The following NAB1 variants were observed in gnomAD, a reference collection of about 807,000 sequenced individuals.
NAB1 encodes NGFI-A binding protein 1, also known as NGFI-A-binding protein 1.
Under a neutral mutation model 49.9 loss-of-function variants are expected in NAB1, and 25 were observed. The ratio of observed to expected loss-of-function variants is 0.50; its 90% confidence interval spans 0.37 to 0.70. The LOEUF (loss-of-function observed/expected upper bound fraction) is 0.70. NAB1 is among the 30% of genes least tolerant of loss of function. NAB1 has a pLI of 0.00. For missense variants in NAB1, 489 were observed against 575.9 expected (o/e 0.85, Z 1.54); for synonymous variants, 198 against 215.6 (o/e 0.92, Z 0.71).
Position 190,685,434 on chromosome 2 carries a change from G to A in NAB1, c.1096-42G>A. The A allele has an allele frequency of 2.0e-6, 3 of 1,534,364 alleles. No individual in the cohort carries two copies. Among genetic ancestry groups the A allele is most frequent in the Non-Finnish European group, 2.6e-6 (3 of 1,138,618 alleles). On this transcript the variant is annotated intron_variant, in intron 7 of 9. Coordinates refer to ENST00000337386, the MANE Select transcript of NAB1 (RefSeq NM_005966.4). This position sits in a 1 kb window ranked among gnomAD's most constrained non-coding sequence, Gnocchi z 4.5. ...CATCTTTAAACCATTAAAAAATCTAGAATGTTTCAGTTACTGATTTGATTT... is the reference window on the plus strand; with the variant it reads ...CATCTTTAAACCATTAAAAAATCTAAAATGTTTCAGTTACTGATTTGATTT...
rs1407150415 is a variant in NAB1, at chr2:190,682,374, C to A, written c.1006-1364C>A. 6.6e-6 allele frequency among the ~76,000 whole-genome samples: 1 copy of A among 152,102 alleles called. No individual in the cohort carries two copies. Among genetic ancestry groups the A allele is most frequent in the Non-Finnish European group, 1.5e-5 (1 of 68,038 alleles). ...AAGGTTAAGTTACTCATCCGGTGGT[C>A]ACATAGCTAGTGAGTGGTGACAGGC... is the stretch of plus-strand genomic sequence containing the variant. On this transcript the variant is annotated intron_variant, in intron 6 of 9. Transcript: ENST00000337386. The surrounding 1 kb of genome is among the most constrained non-coding windows in gnomAD (Gnocchi z 4.1).
rs1413799234 is a variant in NAB1 at position 190,687,337 on chromosome 2, T to C, written c.1375+20T>C. ...CATCAGGTGAGAACGTGCTATATGA[T>C]GAGAGGGTAACACTTGAATAAAAGC... On this transcript the variant is annotated intron_variant, in intron 9 of 9. Transcript: ENST00000337386. The C allele has an allele frequency of 1.8e-5, 23 of 1,280,526 alleles. No individual in the cohort carries two copies. Among genetic ancestry groups the C allele is most frequent in the Non-Finnish European group, 2.2e-5 (20 of 915,894 alleles). 79.3% of individuals were successfully genotyped at this position (1,280,526 alleles called of 1,614,324 possible). A position where few individuals can be genotyped will look rare whatever the true frequency, so the allele number is the denominator to read the frequency against.
intron 8 of NAB1, 66 bp from the exon 9 acceptor site, chr2:190,687,135 T>C: frequency 9.3e-7 from 1 of 1,073,472 alleles, no homozygotes; most frequent in Non-Finnish European, 1.3e-6. Flanking sequence ...TCAGGCAAAA[T>C]TTATTTTTAA....
At position 190,680,068 on chromosome 2, in the gene NAB1, C is replaced by T. The variant is rs950681955; in HGVS notation, c.1006-3670C>T. Reference sequence around the variant, plus strand: ...CTCAGTTGCCTTATTTCTGCGGCACCTGCCACTGTCCAGGGCTGGGCCTTC... The same window carrying T: ...CTCAGTTGCCTTATTTCTGCGGCACTTGCCACTGTCCAGGGCTGGGCCTTC... On this transcript the variant is annotated intron_variant, in intron 6 of 9. Transcript: ENST00000337386. The surrounding 1 kb of genome is among the most constrained non-coding windows in gnomAD (Gnocchi z 5.2). 1.2e-4 allele frequency among the ~76,000 whole-genome samples: 18 copies of T among 152,192 alleles called. No individual in the cohort carries two copies. Among genetic ancestry groups the T allele is most frequent in the African/African-American group, 3.9e-4 (16 of 41,450 alleles).
chr2:190,683,837 A>G lies in NAB1; in HGVS notation c.1095+10A>G. 1.3e-6 allele frequency: 2 copies of G among 1,597,744 alleles called. No individual in the cohort carries two copies. The highest frequency in any genetic ancestry group is 8.6e-7 in the Non-Finnish European group (1 of 1,166,588). The stretch of plus-strand genomic sequence containing the variant: ...AGCTCTTAGTTCACAGGTAACATAA[A>G]CTCCCAGTTATTACTCCATGATAGT... On this transcript the variant is annotated intron_variant, in intron 7 of 9. Coordinates refer to ENST00000337386, the MANE Select transcript of NAB1 (RefSeq NM_005966.4).
In NAB1 at chr2:190,654,352, G is replaced by A. The variant is rs192575550; in HGVS notation, c.-196-1625G>A. Reference sequence around the variant, plus strand: ...GTCTTTCCTCTGTTCCCCAGAACTGGCTTAGTTGTTGGTGTTATTTGAATA... The same window carrying A: ...GTCTTTCCTCTGTTCCCCAGAACTGACTTAGTTGTTGGTGTTATTTGAATA... On this transcript the variant is annotated intron_variant, in intron 2 of 9. Transcript: ENST00000337386. The surrounding 1 kb of genome is among the most constrained non-coding windows in gnomAD (Gnocchi z 5.6). Among the ~76,000 whole-genome samples the A allele has an allele frequency of 6.6e-5, 10 of 152,268 alleles. No individual in the cohort carries two copies. The East Asian group carries it at 1.9e-3, about 29-fold the overall frequency.
At chr2:190,683,192 C>T (rs1695434370) in intron 6 of NAB1, among the ~76,000 whole-genome samples, 1 of 151,882 alleles carries the variant, frequency 6.6e-6, no homozygotes, top group Non-Finnish European at 1.5e-5. Flanking sequence ...CTCACTGCAA[C>T]CTCCGCCTCC....
chr2:190,656,317 T>C (rs1449177567), intron 3 of NAB1, among the ~76,000 whole-genome samples, 164 bp downstream of exon 3: 3 of 152,254 alleles, frequency 2.0e-5, no homozygotes, highest in African/African-American at 7.2e-5. Flanking sequence ...TTATAGATTT[T>C]ATGAAAACAG....
chr2:190,656,127 C>T lies in NAB1; in HGVS notation c.-46C>T, dbSNP rs1406769337. 5 of 152,196 alleles carry T rather than the reference C, an allele frequency of 3.3e-5. No homozygotes were observed. The highest frequency in any genetic ancestry group is 2.6e-4 in the Admixed American group (4 of 15,282). 9.4% of individuals were successfully genotyped at this position (152,196 alleles called of 1,614,324 possible). A position where few individuals can be genotyped will look rare whatever the true frequency, so the allele number is the denominator to read the frequency against. ...ATTGAAAAGTCAGACTCCGAGTGGT[C>T]GTTCCAGGATATCTTGAAAAGCCCA... On this transcript the variant is annotated 5_prime_UTR_variant, in exon 3 of 10. Coordinates refer to ENST00000337386, the MANE Select transcript of NAB1 (RefSeq NM_005966.4).
intron 6 of NAB1, among the ~76,000 whole-genome samples, chr2:190,683,059 A>C (rs1695425638): frequency 6.6e-6 from 1 of 152,138 alleles, no homozygotes; most frequent in Non-Finnish European, 1.5e-5. Flanking sequence ...ATAGTGGCTA[A>C]TCAAACCCCC....
intron 2 of NAB1, among the ~76,000 whole-genome samples, chr2:190,655,533 CAAG>C (rs1026815072): frequency 1.3e-5 from 2 of 152,134 alleles, no homozygotes; most frequent in African/African-American, 4.8e-5. Context: ...AAGAGCATCT[CAAG>C]GAGTGATACC....
intron 8 of NAB1, 87 bp from the exon 9 acceptor site, chr2:190,687,114 C>A (rs1201573924): frequency 1.5e-6 from 1 of 656,764 alleles, no homozygotes; most frequent in Non-Finnish European, 2.4e-6. Flanking sequence ...CACTTTTTTC[C>A]TAAGGAGTGT....
intron 2 of NAB1, among the ~76,000 whole-genome samples, chr2:190,655,118 G>A (rs1693851765): frequency 6.6e-6 from 1 of 152,190 alleles, no homozygotes; most frequent in African/African-American, 2.4e-5. Context: ...AAATATTTAT[G>A]ACTACTTTTA....
At chr2:190,649,069 G>T (rs1693497940), upstream of NAB1, 1 of 145,542 alleles carries the variant, frequency 6.9e-6, no homozygotes, top group South Asian at 1.8e-4. The surrounding 1 kb of genome is among the most constrained non-coding windows in gnomAD (Gnocchi z 6.1). Context: ...CGCGGCGGGG[G>T]AGGCGCTGCC....
At position 190,685,272 on chromosome 2, in the gene NAB1, T is replaced by C. The variant is rs1695549316; in HGVS notation, c.1096-204T>C. ...AAGAATTGAGAAGAAAGCTTTTATC[T>C]TTTGTACAATATCCAGCCTTTTATG... On this transcript the variant is annotated intron_variant, in intron 7 of 9. Transcript: ENST00000337386. This position sits in a 1 kb window ranked among gnomAD's most constrained non-coding sequence, Gnocchi z 4.5. Among the ~76,000 whole-genome samples, 1 of 152,254 alleles carries C rather than the reference T, an allele frequency of 6.6e-6. No homozygotes were observed. The highest frequency in any genetic ancestry group is 1.5e-5 in the Non-Finnish European group (1 of 68,048).
intron 6 of NAB1, 86 bp from the exon 7 acceptor site, chr2:190,683,652 T>A (rs1326539289): frequency 8.2e-6 from 7 of 858,646 alleles, no homozygotes; most frequent in Non-Finnish European, 1.3e-5. Context: ...GTAGTGAGAT[T>A]AAGAGTTTGC....
chr2:190,687,768 A>G lies in NAB1; in HGVS notation c.1375+451A>G, dbSNP rs565437395. Among the ~76,000 whole-genome samples the G allele has an allele frequency of 1.2e-4, 18 of 152,290 alleles. No individual in the cohort carries two copies. The East Asian group carries it at 3.1e-3, about 26-fold the overall frequency. On this transcript the variant is annotated intron_variant, in intron 9 of 9. Coordinates refer to ENST00000337386, the MANE Select transcript of NAB1 (RefSeq NM_005966.4). ...ACAGGGAAAACTCATGAAAGTTGAG[A>G]TTACTTTGATTAGCCATTATATGAA...
Position 190,690,570 on chromosome 2 carries a change from G to T in NAB1, c.*237G>T. ...GTAATATTGATTCATTCACATTCCT[G>T]TGTTAAGTCATTTTATATGGAAAGG... is the stretch of plus-strand genomic sequence containing the variant. On this transcript the variant is annotated 3_prime_UTR_variant, in exon 10 of 10. Transcript: ENST00000337386. 2.6e-6 allele frequency: 1 copy of T among 388,238 alleles called. No homozygotes were observed. Among genetic ancestry groups the T allele is most frequent in the Non-Finnish European group, 4.7e-6 (1 of 214,758 alleles). 24.0% of individuals were successfully genotyped at this position (388,238 alleles called of 1,614,324 possible). A position where few individuals can be genotyped will look rare whatever the true frequency, so the allele number is the denominator to read the frequency against.
chr2:190,659,630 C>T lies in NAB1; in HGVS notation c.454C>T (p.Leu152=), dbSNP rs1694113951. ...GTCAGATGTGGTTGGGAGCCTAGCACTGCAGAGTGTTGGTGAGTCCAGACT... is the reference window on the plus strand; with the variant it reads ...GTCAGATGTGGTTGGGAGCCTAGCATTGCAGAGTGTTGGTGAGTCCAGACT... The part of the protein sequence containing the change: ...GKSDVVGSLA[L]QSVGESRLWQ... Residue 152 remains leucine, a synonymous_variant, in exon 4 of 10, where the codon CTG becomes TTG. Coordinates refer to ENST00000337386, the MANE Select transcript of NAB1 (RefSeq NM_005966.4). This position sits in a 1 kb window ranked among gnomAD's most constrained non-coding sequence, Gnocchi z 6.2. The T allele has an allele frequency of 6.2e-7, 1 of 1,614,162 alleles. No individual in the cohort carries two copies.
Sources: allele counts gnomAD v4.1 joint callset (sites outside exome capture counted in the v4.1 genomes callset), GRCh38; gene constraint gnomAD v4.1.1; non-coding constraint Gnocchi (gnomAD v3.1); transcripts MANE v1.5; gene names NCBI Gene and HGNC (gene_info 2026-07-23, HGNC 2026-07-21).